Variants in AGBL1 observed in about 807,000 individuals in gnomAD.
AGBL1 encodes AGBL carboxypeptidase 1, also known as cytosolic carboxypeptidase 4.
Under a neutral mutation model 118.9 loss-of-function variants are expected in AGBL1, and 130 were observed. The observed-to-expected ratio is 1.09, with a 90% CI of 0.95 to 1.26. The LOEUF (loss-of-function observed/expected upper bound fraction) is 1.26, where lower values mean the gene tolerates loss of function less well. Ranked by LOEUF, AGBL1 falls within the 50% of genes most tolerant of loss-of-function variation. AGBL1 has a pLI of 0.00. For synonymous variants in AGBL1, 555 were observed against 478.9 expected (o/e 1.16, Z -2.08); for missense variants, 1,584 against 1,298.1 (o/e 1.22, Z -3.38).
intron 17 of AGBL1, among the ~76,000 whole-genome samples, chr15:86,392,798 G>A (rs112272939): frequency 0.024 from 3,685 of 152,088 alleles, 67 homozygotes; most frequent in Middle Eastern, 0.068. Flanking sequence ...TGACTCCCCC[G>A]TAGACTATGG....
chr15:86,317,874 AG>A (rs1233497900), intron 17 of AGBL1, among the ~76,000 whole-genome samples: 1 of 152,198 alleles, frequency 6.6e-6, no homozygotes, highest in Non-Finnish European at 1.5e-5. Context: ...TTGAAGTGGA[AG>A]ACTATAGAAT....
chr15:86,282,708 T>A (rs2141727404), intron 16 of AGBL1, among the ~76,000 whole-genome samples: 1 of 152,302 alleles, frequency 6.6e-6, no homozygotes, highest in South Asian at 2.1e-4. Context: ...TTTGGACATG[T>A]CCTGAGGAGA....
intron 6 of AGBL1, among the ~76,000 whole-genome samples, chr15:86,236,009 G>C (rs1029995027): frequency 6.6e-6 from 1 of 152,202 alleles, no homozygotes; most frequent in African/African-American, 2.4e-5. Context: ...TGACTGACTT[G>C]CCCGAGATTG....
intron 24 of AGBL1, among the ~76,000 whole-genome samples, chr15:87,009,925 T>C (rs1339204594): frequency 6.6e-6 from 1 of 152,234 alleles, no homozygotes; most frequent in Non-Finnish European, 1.5e-5. Context: ...ACTAACTTGC[T>C]TTTGATTTTA....
intron 22 of AGBL1, among the ~76,000 whole-genome samples, chr15:86,727,728 G>T (rs1314040465): frequency 6.6e-6 from 1 of 152,052 alleles, no homozygotes; most frequent in African/African-American, 2.4e-5. Flanking sequence ...TCAATTTAAA[G>T]ACTCTAAGGA....
intron 23 of AGBL1, among the ~76,000 whole-genome samples, chr15:86,946,856 A>AC (rs1447966676): frequency 3.3e-5 from 5 of 151,478 alleles, no homozygotes; most frequent in Admixed American, 6.6e-5. Context: ...AAAAAAAAAA[A>AC]AAAAACAAAA....
intron 1 of AGBL1, among the ~76,000 whole-genome samples, chr15:86,124,541 G>A (rs1898299543): frequency 3.3e-5 from 5 of 151,996 alleles, no homozygotes; most frequent in Admixed American, 3.3e-4. Flanking sequence ...AAATTAAAAA[G>A]TTTATTAAAA....
chr15:86,506,704 C>A (rs1056624405), intron 18 of AGBL1, among the ~76,000 whole-genome samples: 1 of 152,012 alleles, frequency 6.6e-6, no homozygotes, highest in Non-Finnish European at 1.5e-5. Flanking sequence ...AGAAAACAAC[C>A]CCTTCCTGAT....
intron 23 of AGBL1, among the ~76,000 whole-genome samples, chr15:86,921,412 G>A (rs1434664000): frequency 6.6e-6 from 1 of 151,976 alleles, no homozygotes; most frequent in Non-Finnish European, 1.5e-5. Context: ...AACAACTCAG[G>A]GACATACGTT....
At chr15:86,817,463 T>TACACACAC (rs143498374) in intron 22 of AGBL1, among the ~76,000 whole-genome samples, 11,778 of 133,092 alleles carry the variant, frequency 0.088, 699 homozygotes, top group African/African-American at 0.14. Context: ...CTCTGAGAGA[T>TACACACAC]ACACACACAC....
At chr15:86,890,951 A>T (rs2080043913) in intron 22 of AGBL1, among the ~76,000 whole-genome samples, 1 of 152,054 alleles carries the variant, frequency 6.6e-6, no homozygotes. Context: ...GTGGTAGTTT[A>T]ATGGAAATAG....
intron 15 of AGBL1, among the ~76,000 whole-genome samples, chr15:86,277,201 G>A (rs2079267847): frequency 2.0e-5 from 3 of 149,206 alleles, no homozygotes; most frequent in African/African-American, 7.5e-5. Context: ...GGAGAAGGCT[G>A]ACTTGTTGGT....
chr15:86,651,612 T>C (rs1596338421), intron 21 of AGBL1, among the ~76,000 whole-genome samples: 1 of 152,204 alleles, frequency 6.6e-6, no homozygotes, highest in Admixed American at 6.5e-5. Flanking sequence ...TCCTGGAGCA[T>C]TGACGTTCGT....
rs1008370330 is a variant in AGBL1 at position 86,170,317 on chromosome 15, C to T, written c.488+11291C>T. ...AACAGAACATTTCCAAAATGAAACA[C>T]ACAGAGAAGAGATTTGAGAAGAAGA... On this transcript the variant is annotated intron_variant, in intron 5 of 22. Transcript: ENST00000614907. 4.0e-5 allele frequency among the ~76,000 whole-genome samples: 6 copies of T among 151,898 alleles called. No homozygotes were observed. In the East Asian group the frequency reaches 9.7e-4, roughly 24 times the overall value.
At chr15:86,933,367 G>C (rs1456567236) in intron 23 of AGBL1, among the ~76,000 whole-genome samples, 3 of 152,170 alleles carry the variant, frequency 2.0e-5, no homozygotes, top group Admixed American at 6.5e-5. Flanking sequence ...CACAAAATAA[G>C]GGATATGGGA....
intron 23 of AGBL1, among the ~76,000 whole-genome samples, chr15:86,966,398 A>T (rs1329972858): frequency 2.6e-5 from 4 of 151,472 alleles, no homozygotes; most frequent in Non-Finnish European, 5.9e-5. Flanking sequence ...ATATGTATAC[A>T]TGAGCCATTT....
At chr15:86,612,988 C>A (rs571390893) in intron 21 of AGBL1, among the ~76,000 whole-genome samples, 2 of 152,302 alleles carry the variant, frequency 1.3e-5, no homozygotes, top group African/African-American at 4.8e-5. Context: ...CCTTTCCAGG[C>A]CAAACCAATG....
At chr15:86,313,194 G>T (rs1184587400) in intron 17 of AGBL1, among the ~76,000 whole-genome samples, 2 of 152,138 alleles carry the variant, frequency 1.3e-5, no homozygotes, top group Admixed American at 1.3e-4. Context: ...TCAATATTTT[G>T]CAGGACTTAT....
At chr15:86,823,439 G>A (rs553721868) in intron 22 of AGBL1, among the ~76,000 whole-genome samples, 1 of 152,238 alleles carries the variant, frequency 6.6e-6, no homozygotes, top group African/African-American at 2.4e-5. Context: ...TGAAGAAGGA[G>A]CCTTGCAAAA....
Sources: allele counts gnomAD v4.1 joint callset (sites outside exome capture counted in the v4.1 genomes callset), GRCh38; gene constraint gnomAD v4.1.1; transcripts MANE v1.5; gene names NCBI Gene and HGNC (gene_info 2026-07-23, HGNC 2026-07-21).